Variants in ERP44 observed in about 807,000 individuals in gnomAD.
The protein encoded by ERP44 is endoplasmic reticulum resident protein 44.
In ERP44, 25 loss-of-function variants were observed where a neutral mutation model predicts 53.4. The observed-to-expected ratio is 0.47, with a 90% CI of 0.34 to 0.65. ERP44 has a LOEUF of 0.65. Ranked by LOEUF, ERP44 falls within the 30% of genes least tolerant of loss-of-function variation. The pLI is 0.01. For synonymous variants in ERP44, 145 were observed against 161.2 expected, an observed-to-expected ratio of 0.90 and a Z score of 0.76; for missense variants, 338 against 493.2, an observed-to-expected ratio of 0.69 and a Z score of 2.98.
At position 100,052,544 on chromosome 9, in the gene ERP44, G is replaced by T; in HGVS notation, c.171-12C>A. On this transcript the variant is annotated splice_polypyrimidine_tract_variant and intron_variant, in intron 3 of 11. Coordinates refer to ENST00000262455, the MANE Select transcript of ERP44 (RefSeq NM_015051.3). ...GACTGAAACGACACCTATACACAGA[G>T]AAGGATGCCAATTAGAAATGAAAAG... is the stretch of plus-strand genomic sequence containing the variant. The T allele has an allele frequency of 6.9e-7, 1 of 1,438,872 alleles. No individual in the cohort carries two copies. The highest frequency in any genetic ancestry group is 9.6e-7 in the Non-Finnish European group (1 of 1,043,146). 89.1% of individuals were successfully genotyped at this position (1,438,872 alleles called of 1,614,324 possible).
intron 3 of ERP44, among the ~76,000 whole-genome samples, chr9:100,055,576 C>T (rs1488236450): frequency 2.0e-5 from 3 of 152,098 alleles, no homozygotes; most frequent in Non-Finnish European, 4.4e-5. Context: ...TCACCATGTT[C>T]GTCAGGCTAG....
intron 1 of ERP44, among the ~76,000 whole-genome samples, chr9:100,065,362 T>C (rs890248283): frequency 1.2e-4 from 18 of 152,292 alleles, no homozygotes; most frequent in Non-Finnish European, 7.4e-5. Context: ...GTATATTCTA[T>C]GACGTTTGCA....
intron 10 of ERP44, chr9:99,999,101 G>A (rs923138677): frequency 9.0e-6 from 6 of 665,782 alleles, no homozygotes; most frequent in African/African-American, 3.6e-5. Context: ...CCACAGCGGC[G>A]GGGCGTGGAC....
intron 4 of ERP44, among the ~76,000 whole-genome samples, chr9:100,024,425 T>C (rs535019005): frequency 8.7e-6 from 1 of 115,574 alleles, no homozygotes. Flanking sequence ...GGAAGAAATA[T>C]AAATACATAT....
At chr9:100,058,479 T>C (rs1272342201) in intron 2 of ERP44, among the ~76,000 whole-genome samples, 1 of 152,260 alleles carries the variant, frequency 6.6e-6, no homozygotes, top group African/African-American at 2.4e-5. Context: ...ATCTGTATTT[T>C]ATTTTTTGAT....
At chr9:99,999,113 C>T (rs1830348861) in intron 10 of ERP44, 2 of 633,442 alleles carry the variant, frequency 3.2e-6, no homozygotes, top group South Asian at 1.8e-5. Context: ...GGCGTGGACA[C>T]GGCGCACCTG....
At chr9:100,051,643 T>TA (rs1383757411) in intron 4 of ERP44, among the ~76,000 whole-genome samples, 2 of 152,008 alleles carry the variant, frequency 1.3e-5, no homozygotes, top group Non-Finnish European at 2.9e-5. Flanking sequence ...ATGCAGCTGA[T>TA]AAGACAACTA....
chr9:100,027,629 T>G (rs1021701177), intron 4 of ERP44, among the ~76,000 whole-genome samples: 1 of 152,204 alleles, frequency 6.6e-6, no homozygotes, highest in Admixed American at 6.6e-5. Flanking sequence ...GCTCACTGAT[T>G]GGAAAATTAG....
chr9:99,994,681 G>A (rs1264857583), intron 10 of ERP44, among the ~76,000 whole-genome samples: 2 of 151,918 alleles, frequency 1.3e-5, no homozygotes, highest in African/African-American at 4.8e-5. Flanking sequence ...TACCATACTT[G>A]TATGTCTATT....
chr9:100,018,828 T>G (rs547961681), intron 6 of ERP44, among the ~76,000 whole-genome samples: 13 of 152,334 alleles, frequency 8.5e-5, no homozygotes, highest in African/African-American at 3.1e-4. Flanking sequence ...ATCTCTAGTT[T>G]CTAACTAGAG....
chr9:99,994,684 T>TAC (rs1237716232), intron 10 of ERP44, among the ~76,000 whole-genome samples: 1 of 152,216 alleles, frequency 6.6e-6, no homozygotes, highest in Non-Finnish European at 1.5e-5. Flanking sequence ...CATACTTGTA[T>TAC]GTCTATTTCT....
intron 4 of ERP44, among the ~76,000 whole-genome samples, chr9:100,048,893 C>T (rs984826356): frequency 1.3e-5 from 2 of 152,042 alleles, no homozygotes; most frequent in South Asian, 2.1e-4. Flanking sequence ...TGTTGTTTAA[C>T]GGGTGTAGAG....
At chr9:100,022,400 A>C (rs1366883552) in intron 4 of ERP44, among the ~76,000 whole-genome samples, 174 bp from the exon 5 acceptor site, 1 of 152,230 alleles carries the variant, frequency 6.6e-6, no homozygotes, top group Non-Finnish European at 1.5e-5. Context: ...ATTATTTAAG[A>C]GACCAGGTTC....
chr9:100,071,012 T>C (rs1467563012), intron 1 of ERP44, among the ~76,000 whole-genome samples: 1 of 151,796 alleles, frequency 6.6e-6, no homozygotes, highest in Non-Finnish European at 1.5e-5. Flanking sequence ...ACTTTGGAAA[T>C]ACCAATGTTT....
intron 8 of ERP44, among the ~76,000 whole-genome samples, chr9:100,012,191 T>C (rs183528396): frequency 6.6e-6 from 1 of 152,326 alleles, no homozygotes; most frequent in Non-Finnish European, 1.5e-5. Flanking sequence ...AAAAGTCTTC[T>C]ATAATTCAAA....
At chr9:100,038,888 T>C (rs1825872945) in intron 4 of ERP44, among the ~76,000 whole-genome samples, 1 of 152,018 alleles carries the variant, frequency 6.6e-6, no homozygotes, top group South Asian at 2.1e-4. Flanking sequence ...AGACAAAAAC[T>C]ATAAGAAGAG....
chr9:100,047,345 A>G (rs1825983746), intron 4 of ERP44, among the ~76,000 whole-genome samples: 1 of 152,214 alleles, frequency 6.6e-6, no homozygotes, highest in Admixed American at 6.5e-5. Context: ...ACAGTAATCA[A>G]AAAGTGTGGA....
At chr9:100,063,437 G>C (rs1826177337) in intron 1 of ERP44, among the ~76,000 whole-genome samples, 1 of 152,120 alleles carries the variant, frequency 6.6e-6, no homozygotes, top group Non-Finnish European at 1.5e-5. Context: ...CTGTTAGTAA[G>C]CTCCACTAGT....
intron 10 of ERP44, among the ~76,000 whole-genome samples, chr9:99,985,804 C>T (rs1051090949): frequency 3.3e-5 from 5 of 152,172 alleles, no homozygotes; most frequent in Middle Eastern, 3.2e-3. Flanking sequence ...AAGCAAAGCA[C>T]TTCTCAAGAT....
Sources: allele counts gnomAD v4.1 joint callset (sites outside exome capture counted in the v4.1 genomes callset), GRCh38; gene constraint gnomAD v4.1.1; transcripts MANE v1.5; gene names NCBI Gene and HGNC (gene_info 2026-07-23, HGNC 2026-07-21).